Variants in GRM7 observed in about 807,000 individuals in gnomAD.
GRM7 encodes metabotropic glutamate receptor 7.
GRM7 carries 35 observed loss-of-function variants against 84.5 expected under a neutral mutation model. The observed-to-expected ratio is 0.41, with a 90% CI of 0.32 to 0.55. The LOEUF is 0.55. GRM7 is among the 20% of genes least tolerant of loss of function. The probability of loss-of-function intolerance (pLI) is 0.19; values close to 1 mark genes in which losing one functional copy is unlikely to be tolerated. For missense variants in GRM7, 1,003 were observed against 1,194.6 expected, an observed-to-expected ratio of 0.84 and a Z score of 2.36; for synonymous variants, 487 against 455.1, an observed-to-expected ratio of 1.07 and a Z score of -0.89.
intron 4 of GRM7, among the ~76,000 whole-genome samples, chr3:7,397,076 C>T (rs578025784): frequency 1.3e-5 from 2 of 151,958 alleles, no homozygotes; most frequent in Admixed American, 6.6e-5. Context: ...ATTGAAAACA[C>T]CATTTTACTA....
At chr3:7,581,882 C>A (rs1401663821) in intron 8 of GRM7, among the ~76,000 whole-genome samples, 1 of 150,860 alleles carries the variant, frequency 6.6e-6, no homozygotes, top group Admixed American at 6.6e-5. Flanking sequence ...AAAATATTAA[C>A]CCCCATGAAG....
At chr3:7,575,842 T>C (rs1694935821) in intron 7 of GRM7, among the ~76,000 whole-genome samples, 1 of 152,078 alleles carries the variant, frequency 6.6e-6, no homozygotes, top group Admixed American at 6.5e-5. Flanking sequence ...CTCCTGTATA[T>C]ATTTGGATAA....
intron 1 of GRM7, among the ~76,000 whole-genome samples, chr3:6,941,313 T>C (rs972207321): frequency 1.3e-5 from 2 of 152,204 alleles, no homozygotes; most frequent in African/African-American, 4.8e-5. Context: ...CTCTATTTTT[T>C]ACCCTTTCTT....
intron 1 of GRM7, among the ~76,000 whole-genome samples, chr3:6,927,402 T>G (rs1341110799): frequency 6.7e-6 from 1 of 149,256 alleles, no homozygotes; most frequent in Non-Finnish European, 1.5e-5. Context: ...CACTCCAGCC[T>G]GGGTGACAGA....
intron 1 of GRM7, among the ~76,000 whole-genome samples, chr3:6,959,005 A>G (rs1693185486): frequency 6.6e-6 from 1 of 152,244 alleles, no homozygotes; most frequent in African/African-American, 2.4e-5. Context: ...GTCCAGGGGC[A>G]TATGGCCCTG....
intron 9 of GRM7, among the ~76,000 whole-genome samples, chr3:7,684,134 T>A (rs539858742): frequency 6.6e-6 from 1 of 152,322 alleles, no homozygotes; most frequent in Non-Finnish European, 1.5e-5. Context: ...TAAAAACAGA[T>A]ATGACTATGC....
At chr3:6,945,097 A>G (rs1698016399) in intron 1 of GRM7, among the ~76,000 whole-genome samples, 1 of 151,812 alleles carries the variant, frequency 6.6e-6, no homozygotes. Flanking sequence ...GTTTTAGGGT[A>G]CATGTGCACA....
chr3:7,288,546 C>G (rs533934733), intron 2 of GRM7, among the ~76,000 whole-genome samples: 126 of 152,170 alleles, frequency 8.3e-4, no homozygotes, highest in Middle Eastern at 6.8e-3. Context: ...TCTTCTCATC[C>G]GTAAAGTGGA....
At chr3:7,590,723 GTTCTTCTCACCACTCGAAGC>G (rs1695740056) in intron 8 of GRM7, among the ~76,000 whole-genome samples, 1 of 152,074 alleles carries the variant, frequency 6.6e-6, no homozygotes, top group Non-Finnish European at 1.5e-5. Flanking sequence ...TCCATGCTGT[GTTCTTCTCACCACTCGAAGC>G]TCAGCCTACA....
intron 4 of GRM7, among the ~76,000 whole-genome samples, chr3:7,344,139 C>T (rs907431391): frequency 5.9e-5 from 9 of 151,758 alleles, no homozygotes; most frequent in African/African-American, 2.2e-4. Context: ...AGGTTTATTA[C>T]ATAGGTAAAC....
chr3:7,186,918 T>A (rs942270164), intron 2 of GRM7, among the ~76,000 whole-genome samples: 1 of 152,160 alleles, frequency 6.6e-6, no homozygotes, highest in African/African-American at 2.4e-5. Context: ...CATATACATA[T>A]GTCAAAGTTA....
chr3:7,093,160 C>T (rs192362230), intron 1 of GRM7, among the ~76,000 whole-genome samples: 1 of 152,216 alleles, frequency 6.6e-6, no homozygotes, highest in East Asian at 1.9e-4. Context: ...AGACCTTTGC[C>T]ATTCACTCTC....
chr3:7,182,112 C>A (rs959309538), intron 2 of GRM7, among the ~76,000 whole-genome samples: 1 of 151,888 alleles, frequency 6.6e-6, no homozygotes, highest in African/African-American at 2.4e-5. Context: ...TTTTTGACTC[C>A]TTTTCTCTAC....
chr3:7,457,564 G>C (rs182056000), intron 6 of GRM7, among the ~76,000 whole-genome samples: 1 of 152,140 alleles, frequency 6.6e-6, no homozygotes, highest in African/African-American at 2.4e-5. Context: ...ATTGGAGTAG[G>C]TTATATTTTG....
intron 8 of GRM7, among the ~76,000 whole-genome samples, chr3:7,611,998 A>T (rs528452308): frequency 6.6e-6 from 1 of 152,288 alleles, no homozygotes; most frequent in Non-Finnish European, 1.5e-5. Flanking sequence ...TTTGATTCTG[A>T]CTTTTGTTAC....
intron 7 of GRM7, among the ~76,000 whole-genome samples, chr3:7,481,173 G>A (rs1460280297): frequency 6.6e-6 from 1 of 151,876 alleles, no homozygotes; most frequent in Non-Finnish European, 1.5e-5. Context: ...CAATCTCCCA[G>A]GCTGAAGTGA....
chr3:7,050,640 T>A (rs1284300507), intron 1 of GRM7, among the ~76,000 whole-genome samples: 1 of 151,890 alleles, frequency 6.6e-6, no homozygotes, highest in Non-Finnish European at 1.5e-5. Context: ...TAAACCATAA[T>A]CTACACAAAT....
chr3:7,061,366 T>C (rs1336677522), intron 1 of GRM7, among the ~76,000 whole-genome samples: 1 of 151,794 alleles, frequency 6.6e-6, no homozygotes, highest in Non-Finnish European at 1.5e-5. Context: ...TCATTTTATC[T>C]TCATAGAAAA....
At chr3:7,663,832 G>A (rs1229152713) in intron 8 of GRM7, among the ~76,000 whole-genome samples, 2 of 152,138 alleles carry the variant, frequency 1.3e-5, no homozygotes, top group Non-Finnish European at 2.9e-5. Context: ...GCCTTTATAC[G>A]AATTCCCACA....
Sources: allele counts gnomAD v4.1 joint callset (sites outside exome capture counted in the v4.1 genomes callset), GRCh38; gene constraint gnomAD v4.1.1; transcripts MANE v1.5; gene names NCBI Gene and HGNC (gene_info 2026-07-23, HGNC 2026-07-21).